The following HLCS variants were observed in gnomAD, a reference collection of about 807,000 sequenced individuals.
HLCS encodes holocarboxylase synthetase.
HLCS carries 53 observed loss-of-function variants against 75.0 expected under a neutral mutation model. The ratio of observed to expected loss-of-function variants is 0.71; its 90% CI spans 0.57 to 0.89. The LOEUF (loss-of-function observed/expected upper bound fraction) is 0.89, where lower values mean the gene tolerates loss of function less well. Among genes scored for constraint, HLCS ranks in the 40% least tolerant of loss-of-function variants. The probability of loss-of-function intolerance (pLI) is 0.00; values close to 1 mark genes in which losing one functional copy is unlikely to be tolerated. For synonymous variants in HLCS, 431 were observed against 428.6 expected (o/e 1.01, Z -0.07); for missense variants, 966 against 1,074.0 (o/e 0.90, Z 1.41).
intron 6 of HLCS, among the ~76,000 whole-genome samples, chr21:36,879,515 T>C (rs1409593720): frequency 1.3e-5 from 2 of 152,174 alleles, no homozygotes; most frequent in African/African-American, 2.4e-5. Flanking sequence ...TGGGAAAAGA[T>C]TACATTTTTT....
intron 6 of HLCS, among the ~76,000 whole-genome samples, chr21:36,852,327 T>C (rs180889321): frequency 9.2e-4 from 140 of 152,330 alleles, no homozygotes; most frequent in Middle Eastern, 3.4e-3. Flanking sequence ...TGAGATAAGC[T>C]GGATTACCTG....
intron 6 of HLCS, among the ~76,000 whole-genome samples, chr21:36,815,288 C>CA (rs2061629196): frequency 6.6e-6 from 1 of 152,114 alleles, no homozygotes; most frequent in African/African-American, 2.4e-5. Flanking sequence ...CTTGGCCCCC[C>CA]AAAGTGCTGG....
intron 7 of HLCS, among the ~76,000 whole-genome samples, chr21:36,765,574 T>C (rs776891774): frequency 4.9e-4 from 74 of 152,200 alleles, no homozygotes; most frequent in Non-Finnish European, 8.2e-4. Context: ...AAGCAATTCC[T>C]ATTGTGGCGA....
chr21:36,967,592 T>A (rs375521393), upstream of HLCS, among the ~76,000 whole-genome samples: 1 of 152,256 alleles, frequency 6.6e-6, no homozygotes, highest in African/African-American at 2.4e-5. Context: ...GAACGTGTTC[T>A]GAACAGCTGC....
chr21:36,830,788 C>T (rs2062178011), intron 6 of HLCS, among the ~76,000 whole-genome samples: 2 of 134,506 alleles, frequency 1.5e-5, no homozygotes, highest in African/African-American at 5.6e-5. Context: ...TGCCACTGTA[C>T]TCCAGCCTGG....
chr21:36,897,659 C>T (rs953955910), intron 5 of HLCS, among the ~76,000 whole-genome samples: 7 of 152,150 alleles, frequency 4.6e-5, no homozygotes, highest in African/African-American at 1.7e-4. Context: ...AAGTTGATCA[C>T]CAACAAAGAA....
chr21:36,877,216 A>T (rs1293461910), intron 6 of HLCS, among the ~76,000 whole-genome samples: 1 of 152,208 alleles, frequency 6.6e-6, no homozygotes, highest in African/African-American at 2.4e-5. Context: ...GCCTTTTAAT[A>T]ACAGGGCTTA....
intron 6 of HLCS, among the ~76,000 whole-genome samples, chr21:36,816,408 A>C (rs987257464): frequency 6.6e-6 from 1 of 151,860 alleles, no homozygotes; most frequent in Admixed American, 6.6e-5. Flanking sequence ...AAAAAAAAAA[A>C]ATGTGACTGT....
intron 1 of HLCS, among the ~76,000 whole-genome samples, chr21:36,963,385 T>C (rs1319037414): frequency 1.3e-5 from 2 of 152,156 alleles, no homozygotes; most frequent in African/African-American, 4.8e-5. Context: ...TAAAAACCTA[T>C]TGAACTAAAT....
intron 6 of HLCS, among the ~76,000 whole-genome samples, chr21:36,895,030 C>T (rs193169495): frequency 2.7e-5 from 4 of 148,632 alleles, no homozygotes; most frequent in Admixed American, 2.7e-4. Context: ...CGTGTGCTGC[C>T]CTCTTGGTGA....
intron 5 of HLCS, among the ~76,000 whole-genome samples, chr21:36,906,035 G>A (rs1230202071): frequency 7.3e-6 from 1 of 136,196 alleles, no homozygotes; most frequent in East Asian, 2.1e-4. Context: ...GGGCAACAGA[G>A]TGAGACTCCA....
chr21:36,883,038 AC>A (rs1489132922), intron 6 of HLCS, among the ~76,000 whole-genome samples: 2 of 152,040 alleles, frequency 1.3e-5, no homozygotes, highest in Non-Finnish European at 2.9e-5. Context: ...ATGATGAATG[AC>A]TCCTTGTGCA....
intron 5 of HLCS, among the ~76,000 whole-genome samples, chr21:36,919,657 A>C (rs1230668851): frequency 1.3e-5 from 2 of 152,250 alleles, no homozygotes; most frequent in African/African-American, 4.8e-5. Flanking sequence ...ACAAATTTTG[A>C]AAACACAATT....
At chr21:36,945,137 G>C (rs1265027756) in intron 2 of HLCS, among the ~76,000 whole-genome samples, 2 of 151,912 alleles carry the variant, frequency 1.3e-5, no homozygotes, top group African/African-American at 4.8e-5. Context: ...TAAAAATGTT[G>C]CACTATTCCT....
chr21:36,895,681 A>G (rs2146330350), intron 6 of HLCS, among the ~76,000 whole-genome samples: 1 of 152,340 alleles, frequency 6.6e-6, no homozygotes, highest in Middle Eastern at 3.4e-3. Context: ...ATATCCATAT[A>G]GCATTAAATT....
intron 6 of HLCS, among the ~76,000 whole-genome samples, chr21:36,890,289 A>T (rs759381519): frequency 4.9e-4 from 75 of 152,314 alleles, no homozygotes; most frequent in Non-Finnish European, 6.9e-4. Flanking sequence ...TACCCTGACA[A>T]TAGTGTGGAA....
At chr21:36,838,763 G>A (rs893308304) in intron 6 of HLCS, among the ~76,000 whole-genome samples, 5 of 151,980 alleles carry the variant, frequency 3.3e-5, no homozygotes, top group African/African-American at 4.8e-5. Context: ...CACACACAGA[G>A]GAGTTCACAT....
chr21:36,865,124 G>GT (rs1387401251), intron 6 of HLCS, among the ~76,000 whole-genome samples: 3 of 151,836 alleles, frequency 2.0e-5, no homozygotes, highest in Non-Finnish European at 4.4e-5. Flanking sequence ...GGTGGGGTGC[G>GT]TGGCAGTGGG....
chr21:36,833,885 T>C (rs2062307025), intron 6 of HLCS, among the ~76,000 whole-genome samples: 1 of 152,154 alleles, frequency 6.6e-6, no homozygotes, highest in Non-Finnish European at 1.5e-5. Context: ...TGGGAAGAGA[T>C]GATTCTCCTT....
Sources: gnomAD v4.1 joint callset for allele counts (sites outside exome capture counted in the v4.1 genomes callset) on GRCh38, gnomAD v4.1.1 for gene constraint, MANE v1.5 for transcripts, NCBI Gene and HGNC (gene_info 2026-07-23, HGNC 2026-07-21) for gene names.